PLCXD1: variants seen among roughly 807,000 people sequenced by gnomAD.
PLCXD1 encodes PI-PLC X domain-containing protein 1.
In PLCXD1, 45 loss-of-function variants were observed where a neutral mutation model predicts 37.8. The observed-to-expected ratio is 1.19, with a 90% CI of 0.94 to 1.53. The LOEUF is 1.53. PLCXD1 is among the 40% of genes most tolerant of loss of function. The probability of loss-of-function intolerance (pLI) is 0.00; values close to 1 mark genes in which losing one functional copy is unlikely to be tolerated. For synonymous variants in PLCXD1, 246 were observed against 206.9 expected, an observed-to-expected ratio of 1.19 and a Z score of -1.62; for missense variants, 539 against 454.7, an observed-to-expected ratio of 1.19 and a Z score of -1.69.
At chrX:279,128 A>G (rs181111007), upstream of PLCXD1, among the ~76,000 whole-genome samples, 6 of 152,342 alleles carry the variant, frequency 3.9e-5, no homozygotes, top group East Asian at 1.2e-3. Context: ...CGTGGTGCAC[A>G]GATCATAAGA....
upstream of PLCXD1, among the ~76,000 whole-genome samples, chrX:278,567 T>C (rs778095086): frequency 9.7e-4 from 148 of 151,970 alleles, no homozygotes; most frequent in African/African-American, 3.1e-3. Flanking sequence ...GGTGAAACCC[T>C]GTCTCTACTA....
rs1387168099 is a variant in PLCXD1 at position 286,013 on chromosome X, C to A, written c.127+1699C>A. Among the ~76,000 whole-genome samples the A allele has an allele frequency of 2.6e-5, 4 of 151,918 alleles. No homozygotes were observed. The East Asian group carries it at 7.7e-4, about 29-fold the overall frequency. On this transcript the variant is annotated intron_variant, in intron 2 of 6. Coordinates refer to ENST00000381657, the MANE Select transcript of PLCXD1 (RefSeq NM_018390.4). Reference sequence around the variant, plus strand: ...AGTGGCATCGAGCACTGATCGCGTTCTTCCTTGCAATGTAGGGAATGAGTT... The same window carrying A: ...AGTGGCATCGAGCACTGATCGCGTTATTCCTTGCAATGTAGGGAATGAGTT...
At chrX:282,182 A>G (rs2069293449) in intron 1 of PLCXD1, among the ~76,000 whole-genome samples, 1 of 152,132 alleles carries the variant, frequency 6.6e-6, no homozygotes, top group Non-Finnish European at 1.5e-5. Context: ...ATTAGATCTA[A>G]TGATTTTAAT....
At chrX:280,320 G>A (rs1436172908), upstream of PLCXD1, among the ~76,000 whole-genome samples, 5 of 123,434 alleles carry the variant, frequency 4.1e-5, no homozygotes, top group South Asian at 2.7e-4. Flanking sequence ...GGGGAAGGGA[G>A]GCCGTGCAGG....
intron 2 of PLCXD1, among the ~76,000 whole-genome samples, chrX:285,157 T>C (rs1484958674): frequency 6.6e-6 from 1 of 150,734 alleles, no homozygotes; most frequent in African/African-American, 2.5e-5. Flanking sequence ...CACATGCACA[T>C]CCCCACACAT....
At chrX:287,553 T>C (rs1229724702) in intron 2 of PLCXD1, among the ~76,000 whole-genome samples, 4 of 99,280 alleles carry the variant, frequency 4.0e-5, no homozygotes, top group African/African-American at 2.3e-4. Flanking sequence ...TATATAGATA[T>C]AGATACTATA....
At chrX:283,679 G>A (rs1423540571) in intron 1 of PLCXD1, 1 of 148,270 alleles carries the variant, frequency 6.7e-6, no homozygotes, top group African/African-American at 2.5e-5. Flanking sequence ...GGCGGCCTTG[G>A]TGTCAGGCAC....
Position 290,800 on chromosome X carries a change from G to T in PLCXD1, c.393+24G>T, listed in dbSNP as rs200395461. 11 of 1,604,544 alleles carry T rather than the reference G, an allele frequency of 6.9e-6. No individual in the cohort carries two copies. In the South Asian group the frequency reaches 9.9e-5, roughly 14 times the overall value. ...AGGTGCGGCCGGGCTGAGGTGGGAC[G>T]CAATGGGGAGAGTGGGAGGCGGCCG... On this transcript the variant is annotated intron_variant, in intron 4 of 6. Coordinates refer to ENST00000381657, the MANE Select transcript of PLCXD1 (RefSeq NM_018390.4).
At position 285,099 on chromosome X, in the gene PLCXD1, CACAT is replaced by C. The variant is rs970292916; in HGVS notation, c.127+793_127+796del. Among the ~76,000 whole-genome samples the C allele has an allele frequency of 1.3e-3, 178 of 140,558 alleles. 7 individuals are homozygous for C. The highest frequency in any genetic ancestry group is 0.011 in the Admixed American group (149 of 13,792). 92.2% of individuals were successfully genotyped at this position (140,558 alleles called of 152,430 possible). On this transcript the variant is annotated intron_variant, in intron 2 of 6. Coordinates refer to ENST00000381657, the MANE Select transcript of PLCXD1 (RefSeq NM_018390.4). ...AGGCACACATGCAGGCACACACAGA[CACAT>C]ACATACACACACACATGCATGCGCA...
chrX:289,109 C>T (rs762672018), intron 3 of PLCXD1, among the ~76,000 whole-genome samples: 8 of 152,262 alleles, frequency 5.3e-5, no homozygotes, highest in African/African-American at 1.9e-4. Context: ...TTTTTTGAGA[C>T]AGGGTCTCAC....
rs773762379 is a variant in PLCXD1, at chrX:284,321, T to C, written c.127+7T>C. 56 of 1,612,516 alleles carry C rather than the reference T, an allele frequency of 3.5e-5. No individual in the cohort carries two copies. In the East Asian group the frequency reaches 1.0e-3, roughly 30 times the overall value. ...CACCACCTCTCCATCCCAGGTGAGG[T>C]TGGGGTGGGGCAGGGGCCGTTGCCT... On this transcript the variant is annotated splice_region_variant and intron_variant, in intron 2 of 6. Coordinates refer to ENST00000381657, the MANE Select transcript of PLCXD1 (RefSeq NM_018390.4).
intron 6 of PLCXD1, among the ~76,000 whole-genome samples, chrX:298,802 GATTA>G: frequency 7.9e-6 from 1 of 126,938 alleles, no homozygotes; most frequent in Non-Finnish European, 1.7e-5. Context: ...ATCACATGGG[GATTA>G]GGACGTGGAC....
chrX:276,731 C>T (rs768152356), upstream of PLCXD1, among the ~76,000 whole-genome samples: 41 of 152,276 alleles, frequency 2.7e-4, no homozygotes, highest in African/African-American at 8.7e-4. Flanking sequence ...GCCGGTTGGA[C>T]GTCCTCACCC....
In PLCXD1 at chrX:300,690, G is replaced by A. The variant is rs1314945474; in HGVS notation, c.*1355G>A. ...TATACATATATACGTGCGTGTGTATGTGTATATATATATATGTGTATATAT... is the reference window on the plus strand; with the variant it reads ...TATACATATATACGTGCGTGTGTATATGTATATATATATATGTGTATATAT... On this transcript the variant is annotated 3_prime_UTR_variant, in exon 7 of 7. Coordinates refer to ENST00000381657, the MANE Select transcript of PLCXD1 (RefSeq NM_018390.4). 6.6e-6 allele frequency: 1 copy of A among 151,826 alleles called. No individual in the cohort carries two copies. Among genetic ancestry groups the A allele is most frequent in the African/African-American group, 2.4e-5 (1 of 41,240 alleles). 9.4% of individuals were successfully genotyped at this position (151,826 alleles called of 1,614,324 possible). A position where few individuals can be genotyped will look rare whatever the true frequency, so the allele number is the denominator to read the frequency against.
chrX:299,135 C>T lies in PLCXD1; in HGVS notation c.772C>T (p.Leu258=). ...GGCCGGCATCAACCTCACGGAGAAC[C>T]TGCAGTACGTTCTGGCGCACCCGTC... is the stretch of plus-strand genomic sequence containing the variant. ...FVAGINLTEN[L]QYVLAHPSES... is the part of the protein sequence containing the mutation. The change falls in exon 7 of 7, where the codon CTG becomes TTG. Residue 258 remains leucine, a synonymous_variant. Transcript: ENST00000381657. The T allele has an allele frequency of 6.2e-7, 1 of 1,613,920 alleles. No individual in the cohort carries two copies. The highest frequency in any genetic ancestry group is 1.1e-5 in the South Asian group (1 of 91,078).
chrX:283,446 C>G (rs1473362669), intron 1 of PLCXD1: 1 of 152,180 alleles, frequency 6.6e-6, no homozygotes, highest in Non-Finnish European at 1.5e-5. Flanking sequence ...ACGTAGCCCG[C>G]GAAAAACCTG....
chrX:284,489 C>T (rs1484590534), intron 2 of PLCXD1, among the ~76,000 whole-genome samples, 175 bp downstream of exon 2: 1 of 152,170 alleles, frequency 6.6e-6, no homozygotes, highest in Non-Finnish European at 1.5e-5. Context: ...ACAGTGCACA[C>T]GTGTGTGCAT....
chrX:288,206 C>T (rs2069517733), intron 2 of PLCXD1, among the ~76,000 whole-genome samples: 1 of 152,088 alleles, frequency 6.6e-6, no homozygotes. Context: ...ACCCTATTTC[C>T]AAACAGGATC....
At chrX:296,898 ACG>A (rs2069830362) in intron 6 of PLCXD1, among the ~76,000 whole-genome samples, 1 of 138,288 alleles carries the variant, frequency 7.2e-6, no homozygotes, top group Non-Finnish European at 1.6e-5. Flanking sequence ...GGGGATTAGG[ACG>A]TGGACATCTT....
Sources: gnomAD v4.1 joint callset for allele counts (sites outside exome capture counted in the v4.1 genomes callset) on GRCh38, gnomAD v4.1.1 for gene constraint, MANE v1.5 for transcripts, NCBI Gene and HGNC (gene_info 2026-07-23, HGNC 2026-07-21) for gene names.